Variants in MGAT4C observed in about 807,000 individuals in gnomAD.
MGAT4C encodes MGAT4 family member C.
A neutral mutation model predicts 40.1 loss-of-function variants in MGAT4C; 19 were observed. The ratio of observed to expected loss-of-function variants is 0.47; its 90% CI spans 0.33 to 0.70. The LOEUF is 0.70. Ranked by LOEUF, MGAT4C falls within the 30% of genes least tolerant of loss-of-function variation. The probability of loss-of-function intolerance (pLI) is 0.02; values close to 1 mark genes in which losing one functional copy is unlikely to be tolerated. For missense variants in MGAT4C, 491 were observed against 563.2 expected (o/e 0.87, Z 1.30); for synonymous variants, 181 against 187.1 (o/e 0.97, Z 0.27).
At chr12:86,234,314 A>G (rs1176481851) in intron 1 of MGAT4C, among the ~76,000 whole-genome samples, 1 of 152,194 alleles carries the variant, frequency 6.6e-6, no homozygotes, top group African/African-American at 2.4e-5. Flanking sequence ...AAAGAAAACA[A>G]AGGATTTGAA....
intron 2 of MGAT4C, among the ~76,000 whole-genome samples, chr12:86,589,614 A>T (rs1227970464): frequency 6.6e-6 from 1 of 152,120 alleles, no homozygotes; most frequent in African/African-American, 2.4e-5. Context: ...AGAGAATTTT[A>T]GACCAATATC....
At chr12:86,714,151 A>G (rs1369447416) in intron 2 of MGAT4C, among the ~76,000 whole-genome samples, 1 of 152,164 alleles carries the variant, frequency 6.6e-6, no homozygotes, top group African/African-American at 2.4e-5. Context: ...CCAATTATGG[A>G]AATTAAGGGA....
At chr12:86,652,292 A>G (rs1963718281) in intron 2 of MGAT4C, among the ~76,000 whole-genome samples, 1 of 151,908 alleles carries the variant, frequency 6.6e-6, no homozygotes, top group Admixed American at 6.6e-5. Context: ...CATATTTTAC[A>G]CTTTGGACAC....
chr12:86,400,558 A>G (rs1030706723), intron 3 of MGAT4C, among the ~76,000 whole-genome samples: 3 of 152,228 alleles, frequency 2.0e-5, no homozygotes, highest in Admixed American at 1.3e-4. Flanking sequence ...CCAGGAATAG[A>G]AAAGGAAAAA....
At chr12:86,151,624 T>C (rs968293568) in intron 1 of MGAT4C, among the ~76,000 whole-genome samples, 1 of 152,146 alleles carries the variant, frequency 6.6e-6, no homozygotes, top group African/African-American at 2.4e-5. Flanking sequence ...GGACACTATG[T>C]GTAAAGATTA....
chr12:86,609,791 G>GA (rs5799786), intron 2 of MGAT4C, among the ~76,000 whole-genome samples: 2,209 of 146,270 alleles, frequency 0.015, 44 homozygotes, highest in East Asian at 0.095. Context: ...GGCACTACCA[G>GA]AAAAAAAAAA....
intron 1 of MGAT4C, among the ~76,000 whole-genome samples, chr12:86,730,505 A>T (rs2136119450): frequency 6.6e-6 from 1 of 152,224 alleles, no homozygotes; most frequent in Non-Finnish European, 1.5e-5. Flanking sequence ...TACTTGTAGG[A>T]TAAAAGGAAT....
At chr12:86,420,776 CAT>C (rs55902338) in intron 3 of MGAT4C, among the ~76,000 whole-genome samples, 30 of 144,186 alleles carry the variant, frequency 2.1e-4, no homozygotes, top group Non-Finnish European at 3.8e-4. Context: ...ATTTACCTGA[CAT>C]ATATATATAT....
rs555190867 is a variant in MGAT4C, at chr12:86,652,244, A to G, written c.-229+74965T>C. 1.4e-3 allele frequency among the ~76,000 whole-genome samples: 210 copies of G among 152,018 alleles called. 1 individual carries two copies. The highest frequency in any genetic ancestry group is 6.8e-3 in the Middle Eastern group (2 of 294). ...ATTCTCAATGATGATTATGGATAGA[A>G]TAACTAAACCCACATGTGTATTACC... is the stretch of plus-strand genomic sequence containing the variant. On this transcript the variant is annotated intron_variant, in intron 2 of 7. Transcript: ENST00000548651.
At chr12:86,338,109 G>A (rs1030944242) in intron 3 of MGAT4C, among the ~76,000 whole-genome samples, 2 of 152,128 alleles carry the variant, frequency 1.3e-5, no homozygotes, top group African/African-American at 4.8e-5. Context: ...CCCACTGTGT[G>A]GGATACTAAA....
chr12:86,523,617 G>A (rs1421672260), intron 2 of MGAT4C, among the ~76,000 whole-genome samples: 2 of 152,126 alleles, frequency 1.3e-5, no homozygotes, highest in East Asian at 3.9e-4. Flanking sequence ...GTAAGATGCA[G>A]TGCTCAGTTC....
At chr12:86,527,076 TTA>T (rs984433236) in intron 2 of MGAT4C, among the ~76,000 whole-genome samples, 2 of 152,168 alleles carry the variant, frequency 1.3e-5, no homozygotes, top group African/African-American at 4.8e-5. Context: ...TGAATATTTG[TTA>T]TGAGTGCACA....
intron 1 of MGAT4C, among the ~76,000 whole-genome samples, chr12:86,730,284 C>T (rs541995190): frequency 4.0e-5 from 6 of 151,752 alleles, no homozygotes; most frequent in African/African-American, 1.4e-4. Flanking sequence ...TTTGAAAGGG[C>T]CAGAGAAAAG....
At chr12:86,543,235 CT>C (rs1187576762) in intron 2 of MGAT4C, among the ~76,000 whole-genome samples, 1 of 151,228 alleles carries the variant, frequency 6.6e-6, no homozygotes, top group Non-Finnish European at 1.5e-5. Context: ...TTTTATATTC[CT>C]ACCTTATTAA....
At chr12:86,552,735 G>A (rs1959427598) in intron 2 of MGAT4C, among the ~76,000 whole-genome samples, 1 of 151,996 alleles carries the variant, frequency 6.6e-6, no homozygotes, top group Non-Finnish European at 1.5e-5. Context: ...AATAAAAACA[G>A]TTATAAATTA....
rs149838389 is a variant in MGAT4C at position 86,497,400 on chromosome 12, G to C, written c.-228-62135C>G. 4.5e-4 allele frequency among the ~76,000 whole-genome samples: 69 copies of C among 152,006 alleles called. No individual in the cohort carries two copies. In the East Asian group the frequency reaches 0.013, roughly 29 times the overall value. Reference sequence around the variant, plus strand: ...GCCTTTATCAATATTTTACAGCATAGTACTTGAATAATAATGTTAAAAACA... The same window carrying C: ...GCCTTTATCAATATTTTACAGCATACTACTTGAATAATAATGTTAAAAACA... On this transcript the variant is annotated intron_variant, in intron 2 of 7. Transcript: ENST00000548651.
At chr12:86,242,526 C>A (rs746351047) in intron 1 of MGAT4C, among the ~76,000 whole-genome samples, 1 of 152,068 alleles carries the variant, frequency 6.6e-6, no homozygotes. Context: ...GTAATGACTC[C>A]TTTTTAAATC....
At chr12:86,225,899 T>C (rs1482586269) in intron 1 of MGAT4C, among the ~76,000 whole-genome samples, 1 of 151,918 alleles carries the variant, frequency 6.6e-6, no homozygotes, top group Non-Finnish European at 1.5e-5. Flanking sequence ...AAGGATGCTA[T>C]TTTCAGCACT....
At chr12:86,056,470 G>A (rs1893405366) in intron 1 of MGAT4C, among the ~76,000 whole-genome samples, 1 of 152,138 alleles carries the variant, frequency 6.6e-6, no homozygotes, top group African/African-American at 2.4e-5. Context: ...ACCTATGAGT[G>A]AGAACATGCA....
Sources: gnomAD v4.1 joint callset for allele counts (sites outside exome capture counted in the v4.1 genomes callset) on GRCh38, gnomAD v4.1.1 for gene constraint, MANE v1.5 for transcripts, NCBI Gene and HGNC (gene_info 2026-07-23, HGNC 2026-07-21) for gene names.